Variants in STARD9 observed in about 807,000 individuals in gnomAD.
The protein encoded by STARD9 is StAR related lipid transfer domain containing 9, also known as stAR-related lipid transfer protein 9.
A neutral mutation model predicts 399.8 loss-of-function variants in STARD9; 346 were observed. The ratio of observed to expected loss-of-function variants is 0.87; its 90% confidence interval spans 0.79 to 0.95. STARD9 has a LOEUF of 0.95. STARD9 is among the 40% of genes least tolerant of loss of function. The pLI, the probability that STARD9 is intolerant of heterozygous loss-of-function variation, is 0.00. For synonymous variants in STARD9, 2,203 were observed against 2,143.5 expected (o/e 1.03, Z -0.77); for missense variants, 5,832 against 5,667.5 (o/e 1.03, Z -0.93).
At chr15:42,613,054 CA>C (rs1397587549) in intron 3 of STARD9, among the ~76,000 whole-genome samples, 1 of 150,184 alleles carries the variant, frequency 6.7e-6, no homozygotes, top group Admixed American at 6.6e-5. Flanking sequence ...TTGATTATCT[CA>C]AAGCTAACTT....
chr15:42,659,307 CAATT>C (rs1222228159), intron 9 of STARD9, among the ~76,000 whole-genome samples: 1 of 152,010 alleles, frequency 6.6e-6, no homozygotes, highest in Non-Finnish European at 1.5e-5. Context: ...ATGCTAGTGA[CAATT>C]AGGGAGTTGA....
chr15:42,687,097 C>G lies in STARD9; in HGVS notation c.5519C>G (p.Thr1840Arg), dbSNP rs1336358323. 2.0e-6 allele frequency: 3 copies of G among 1,537,246 alleles called. No homozygotes were observed. The South Asian group carries it at 3.6e-5, about 18-fold the overall frequency. ...RESGKCPGNITEESHDSVYSS... is the reference protein window; with the variant it reads ...RESGKCPGNIREESHDSVYSS... ...TCAGGTAAATGCCCTGGAAATATTA[C>G]AGAAGAAAGCCATGATTCAGTTTAT... Residue 1840 changes from threonine (T) to arginine (R), a missense_variant, in exon 23 of 33, where the codon ACA becomes AGA. Physicochemically the swap from Thr to Arg is moderately conservative, Grantham distance 71 (BLOSUM62 -1). This residue lies in a region of STARD9 where 5,828 missense variants were observed against 5,651.1 expected (regional missense o/e 1.03). Coordinates refer to ENST00000290607, the MANE Select transcript of STARD9 (RefSeq NM_020759.3).
chr15:42,703,993 C>G (rs181083913), intron 26 of STARD9, among the ~76,000 whole-genome samples: 1 of 152,026 alleles, frequency 6.6e-6, no homozygotes, highest in African/African-American at 2.4e-5. Flanking sequence ...CGGCAACCTC[C>G]GCCTCCCGGG....
Position 42,695,914 on chromosome 15 carries a change from C to T in STARD9, c.13284+34C>T, listed in dbSNP as rs768305400. 5 of 1,524,010 alleles carry T rather than the reference C, an allele frequency of 3.3e-6. No homozygotes were observed. In the South Asian group the frequency reaches 6.0e-5, roughly 18 times the overall value. The allele number at this position is 1,524,010 out of a possible 1,614,324, so 94.4% of individuals were successfully genotyped here. A position where few individuals can be genotyped will look rare whatever the true frequency, so the allele number is the denominator to read the frequency against. On this transcript the variant is annotated intron_variant, in intron 26 of 32. Transcript: ENST00000290607. ...GCAGATGTTGGGAATGAGCCAGGGG[C>T]CTGGACTGCCAAGGCAAGAGTTTGA...
intron 8 of STARD9, among the ~76,000 whole-genome samples, chr15:42,652,276 A>G (rs1295351763): frequency 6.6e-6 from 1 of 152,200 alleles, no homozygotes; most frequent in Non-Finnish European, 1.5e-5. Flanking sequence ...TTGCTTAAAA[A>G]AAAAAAGTTT....
intron 9 of STARD9, among the ~76,000 whole-genome samples, chr15:42,653,286 C>T (rs1158966343): frequency 6.6e-6 from 1 of 152,090 alleles, no homozygotes; most frequent in Non-Finnish European, 1.5e-5. Context: ...CCCCAAAAAG[C>T]AACTATAAAG....
At position 42,686,616 on chromosome 15, in the gene STARD9, G is replaced by A; in HGVS notation, c.5038G>A (p.Ala1680Thr). ...CTGGGCTCCTCTCAGGAAAAATAGT[G>A]CAGTCCAGCCAGGGCAATTAAGTCC... ...QGWAPLRKNS[A>T]VQPGQLSPDS... The change falls in exon 23 of 33, where the codon GCA becomes ACA. Residue 1680 changes from alanine (A) to threonine (T), a missense_variant. Ala to Thr is a moderately conservative substitution (Grantham distance 58). This residue lies in a region of STARD9 where 5,828 missense variants were observed against 5,651.1 expected (regional missense o/e 1.03). Coordinates refer to ENST00000290607, the MANE Select transcript of STARD9 (RefSeq NM_020759.3). The A allele has an allele frequency of 1.3e-6, 2 of 1,537,300 alleles. No homozygotes were observed. Among genetic ancestry groups the A allele is most frequent in the Non-Finnish European group, 8.7e-7 (1 of 1,146,942 alleles).
At chr15:42,679,115 A>G (rs913034883) in intron 20 of STARD9, among the ~76,000 whole-genome samples, 1 of 152,220 alleles carries the variant, frequency 6.6e-6, no homozygotes, top group Admixed American at 6.5e-5. Context: ...CAGGGAGTTC[A>G]GATAAAGACC....
intron 3 of STARD9, among the ~76,000 whole-genome samples, chr15:42,596,375 C>T (rs570779927): frequency 3.9e-5 from 6 of 152,184 alleles, no homozygotes; most frequent in South Asian, 2.1e-4. Flanking sequence ...GGGTTTAAAG[C>T]GATTGTCAAT....
At chr15:42,627,971 A>G (rs983027982) in intron 3 of STARD9, among the ~76,000 whole-genome samples, 1 of 152,122 alleles carries the variant, frequency 6.6e-6, no homozygotes, top group African/African-American at 2.4e-5. Flanking sequence ...ATCATATGGT[A>G]ATTTTATCTT....
Position 42,677,456 on chromosome 15 carries a change from G to C in STARD9, c.1874+1481G>C, listed in dbSNP as rs76997876. On this transcript the variant is annotated intron_variant, in intron 20 of 32. Transcript: ENST00000290607. The stretch of plus-strand genomic sequence containing the variant: ...TGACACAAGGTGGACTCAGGACTTA[G>C]GCTGGAGCTTTTGCTTTGTCAGAGT... 4.9e-4 allele frequency among the ~76,000 whole-genome samples: 75 copies of C among 152,336 alleles called. No homozygotes were observed. In the East Asian group the frequency reaches 0.012, roughly 24 times the overall value.
intron 24 of STARD9, among the ~76,000 whole-genome samples, 155 bp downstream of exon 24, chr15:42,694,880 T>A (rs1169003167): frequency 8.9e-6 from 1 of 112,072 alleles, no homozygotes; most frequent in African/African-American, 3.3e-5. Context: ...AGGGAGGGGG[T>A]GGGCAGAGAG....
chr15:42,601,414 G>T (rs1338450834), intron 3 of STARD9, among the ~76,000 whole-genome samples: 3 of 151,472 alleles, frequency 2.0e-5, no homozygotes, highest in Non-Finnish European at 4.4e-5. Context: ...CGGGCAGAGG[G>T]GCTCCTCACT....
At position 42,688,450 on chromosome 15, in the gene STARD9, A is replaced by C. The variant is rs2060613791; in HGVS notation, c.6872A>C (p.Lys2291Thr). ...GGAGGCAGCCTTCAGGAAGAAAATA[A>C]AGTGACTCAGAAATTTCCTAGTCTC... ...QRGGSLQEEN[K>T]VTQKFPSLSQ... Residue 2291 changes from lysine (K) to threonine (T), a missense_variant, in exon 23 of 33, where the codon AAA becomes ACA. Transcript: ENST00000290607. 6 of 1,537,680 alleles carry C rather than the reference A, an allele frequency of 3.9e-6. No homozygotes were observed.
intron 1 of STARD9, among the ~76,000 whole-genome samples, chr15:42,582,601 C>T (rs1241196862): frequency 6.6e-6 from 1 of 152,012 alleles, no homozygotes; most frequent in East Asian, 1.9e-4. Flanking sequence ...GAGAGGATTC[C>T]AATACTTTTT....
chr15:42,657,360 C>CAAA (rs34831398), intron 9 of STARD9, among the ~76,000 whole-genome samples: 19 of 101,564 alleles, frequency 1.9e-4, no homozygotes, highest in African/African-American at 5.4e-4. Context: ...GATTCCGTCT[C>CAAA]AAAAAAAAAA....
Position 42,684,526 on chromosome 15 carries a change from C to G in STARD9, c.2948C>G (p.Pro983Arg). The change falls in exon 23 of 33, where the codon CCT becomes CGT. Residue 983 changes from proline to arginine, a missense_variant. This residue lies in a region of STARD9 where 5,828 missense variants were observed against 5,651.1 expected (regional missense o/e 1.03). Transcript: ENST00000290607. The part of the protein sequence containing the change: ...QTRGAKGLAD[P>R]SHTQAGWRKE... ...AGAGGGGCGAAGGGACTAGCAGACC[C>G]TAGCCACACACAAGCTGGGTGGCGA... 1 of 1,537,238 alleles carries G rather than the reference C, an allele frequency of 6.5e-7. No individual in the cohort carries two copies. The highest frequency in any genetic ancestry group is 8.7e-7 in the Non-Finnish European group (1 of 1,146,910).
intron 9 of STARD9, among the ~76,000 whole-genome samples, chr15:42,656,522 C>T (rs542657961): frequency 6.6e-6 from 1 of 152,048 alleles, no homozygotes; most frequent in Non-Finnish European, 1.5e-5. Flanking sequence ...GAAAAAGATA[C>T]TTGCACATGC....
intron 20 of STARD9, among the ~76,000 whole-genome samples, chr15:42,680,641 A>G (rs2060409194): frequency 6.6e-6 from 1 of 152,172 alleles, no homozygotes; most frequent in Non-Finnish European, 1.5e-5. Context: ...GCTTTTTATT[A>G]TGGAAGACTT....
Sources: gnomAD v4.1 joint callset for allele counts (sites outside exome capture counted in the v4.1 genomes callset) on GRCh38, gnomAD v4.1.1 for gene constraint, gnomAD v4.1.1 regional missense constraint, MANE v1.5 for transcripts, NCBI Gene and HGNC (gene_info 2026-07-23, HGNC 2026-07-21) for gene names.